ST3GAL3: variants seen among roughly 807,000 people sequenced by gnomAD.
ST3GAL3 encodes the protein CMP-N-acetylneuraminate-beta-1,4-galactoside alpha-2,3-sialyltransferase.
A neutral mutation model predicts 50.1 loss-of-function variants in ST3GAL3; 21 were observed. The observed-to-expected ratio is 0.42, with a 90% CI of 0.30 to 0.60. ST3GAL3 has a LOEUF of 0.60. ST3GAL3 is among the 20% of genes least tolerant of loss of function. The probability of loss-of-function intolerance (pLI) is 0.19; values close to 1 mark genes in which losing one functional copy is unlikely to be tolerated. For missense variants in ST3GAL3, 353 were observed against 489.4 expected, an observed-to-expected ratio of 0.72 and a Z score of 2.63; for synonymous variants, 183 against 190.0, an observed-to-expected ratio of 0.96 and a Z score of 0.30.
intron 2 of ST3GAL3, among the ~76,000 whole-genome samples, chr1:43,757,915 A>T (rs1242556596): frequency 6.6e-6 from 1 of 152,216 alleles, no homozygotes; most frequent in African/African-American, 2.4e-5. Flanking sequence ...TACTTTACTA[A>T]GTCAATAAAA....
chr1:43,783,324 C>A (rs1045582232), intron 2 of ST3GAL3, among the ~76,000 whole-genome samples: 1 of 152,164 alleles, frequency 6.6e-6, no homozygotes, highest in African/African-American at 2.4e-5. Context: ...GGCTGACTTC[C>A]CTTCCATTCC....
In ST3GAL3 at chr1:43,756,580, CAAAAT is replaced by C. The variant is rs200639683; in HGVS notation, c.118+20202_118+20206del. Among the ~76,000 whole-genome samples, 807 of 151,854 alleles carry C rather than the reference CAAAAT, an allele frequency of 5.3e-3. 16 individuals are homozygous for C. Among genetic ancestry groups the C allele is most frequent in the African/African-American group, 0.018 (750 of 41,404 alleles). On this transcript the variant is annotated intron_variant, in intron 2 of 11. Coordinates refer to ENST00000347631, the MANE Select transcript of ST3GAL3 (RefSeq NM_006279.5). ...CACACACACGCACGCACACATTAAA[CAAAAT>C]AGAACGGTTGCCTTTGCAGGAGGAG...
chr1:43,881,382 C>T (rs2075101080), intron 5 of ST3GAL3, among the ~76,000 whole-genome samples: 3 of 152,242 alleles, frequency 2.0e-5, no homozygotes, highest in Admixed American at 2.0e-4. Flanking sequence ...ATATTAGAGA[C>T]ACAGACGGTA....
At chr1:43,806,314 C>T (rs1444949072) in intron 3 of ST3GAL3, among the ~76,000 whole-genome samples, 2 of 152,114 alleles carry the variant, frequency 1.3e-5, no homozygotes, top group East Asian at 1.9e-4. Context: ...ATGTCACCTG[C>T]AGTAGCTCTC....
chr1:43,857,129 A>G (rs917935788), intron 5 of ST3GAL3, among the ~76,000 whole-genome samples: 1 of 152,120 alleles, frequency 6.6e-6, no homozygotes, highest in African/African-American at 2.4e-5. Flanking sequence ...GGACCTGAGG[A>G]GCTACATCTT....
intron 1 of ST3GAL3, among the ~76,000 whole-genome samples, chr1:43,713,154 T>TA (rs372907536): frequency 2.0e-5 from 3 of 152,334 alleles, no homozygotes; most frequent in African/African-American, 7.2e-5. Flanking sequence ...GAAGGATAGT[T>TA]ACGCTGGTGC....
chr1:43,718,185 CTTTTTTTTT>C (rs57506461), intron 1 of ST3GAL3, among the ~76,000 whole-genome samples: 1 of 83,378 alleles, frequency 1.2e-5, no homozygotes, highest in Admixed American at 1.6e-4. Context: ...ATCATTAAAT[CTTTTTTTTT>C]TTTTTTTTTT....
intron 5 of ST3GAL3, among the ~76,000 whole-genome samples, chr1:43,846,977 C>T (rs755366100): frequency 6.6e-6 from 1 of 151,978 alleles, no homozygotes; most frequent in South Asian, 2.1e-4. Flanking sequence ...GATTTAAAAG[C>T]GGGTAGAGAA....
At chr1:43,879,844 T>C (rs1390734425) in intron 5 of ST3GAL3, among the ~76,000 whole-genome samples, 1 of 152,214 alleles carries the variant, frequency 6.6e-6, no homozygotes, top group Non-Finnish European at 1.5e-5. Flanking sequence ...TTGAATCCCA[T>C]CATACTCCTG....
intron 2 of ST3GAL3, among the ~76,000 whole-genome samples, chr1:43,760,616 C>T (rs1689927959): frequency 6.6e-6 from 1 of 152,076 alleles, no homozygotes; most frequent in Non-Finnish European, 1.5e-5. Context: ...ATTAGCCGGG[C>T]GTGGTGGTAG....
At chr1:43,909,702 A>G (rs1394427237) in intron 9 of ST3GAL3, among the ~76,000 whole-genome samples, 1 of 152,262 alleles carries the variant, frequency 6.6e-6, no homozygotes, top group East Asian at 1.9e-4. Flanking sequence ...AACATATTAG[A>G]ATTTCAAGTT....
chr1:43,823,624 G>A (rs772015993), intron 4 of ST3GAL3, among the ~76,000 whole-genome samples: 9 of 151,976 alleles, frequency 5.9e-5, no homozygotes, highest in Non-Finnish European at 1.0e-4. Flanking sequence ...TATCACTCTC[G>A]GATGCCACAT....
chr1:43,708,548 T>G (rs1339671545), intron 1 of ST3GAL3, among the ~76,000 whole-genome samples: 6 of 152,236 alleles, frequency 3.9e-5, no homozygotes, highest in Non-Finnish European at 8.8e-5. Context: ...ATTAGGTTGT[T>G]TCTAAGGCAG....
At chr1:43,719,075 A>G (rs541461187) in intron 1 of ST3GAL3, 1 of 152,310 alleles carries the variant, frequency 6.6e-6, no homozygotes, top group Non-Finnish European at 1.5e-5. Flanking sequence ...AAACCATTGT[A>G]GATCATTTGA....
chr1:43,867,793 G>A (rs1311936337), intron 5 of ST3GAL3, among the ~76,000 whole-genome samples: 1 of 152,114 alleles, frequency 6.6e-6, no homozygotes, highest in Non-Finnish European at 1.5e-5. Context: ...ATTTGAGTTG[G>A]TAATTTTTTA....
intron 9 of ST3GAL3, among the ~76,000 whole-genome samples, chr1:43,908,681 C>T (rs1326748879): frequency 6.7e-6 from 1 of 150,144 alleles, no homozygotes; most frequent in Non-Finnish European, 1.5e-5. Flanking sequence ...GACAGGAGTG[C>T]AGTGGCACAA....
At chr1:43,755,912 T>C (rs1687863839) in intron 2 of ST3GAL3, among the ~76,000 whole-genome samples, 1 of 151,836 alleles carries the variant, frequency 6.6e-6, no homozygotes. Context: ...CTGGGCAACA[T>C]AGTGAGACAC....
intron 9 of ST3GAL3, 158 bp from the exon 10 acceptor site, chr1:43,920,246 C>G (rs918664494): frequency 2.6e-5 from 21 of 801,732 alleles, no homozygotes; most frequent in South Asian, 3.0e-5. Flanking sequence ...CACTCCATTT[C>G]CCCAAACACA....
intron 2 of ST3GAL3, among the ~76,000 whole-genome samples, chr1:43,752,443 T>C (rs1165584411): frequency 6.6e-6 from 1 of 152,222 alleles, no homozygotes; most frequent in Non-Finnish European, 1.5e-5. Flanking sequence ...TTCACCCACC[T>C]GTTTCATAGA....
Sources: gnomAD v4.1 joint callset for allele counts (sites outside exome capture counted in the v4.1 genomes callset) on GRCh38, gnomAD v4.1.1 for gene constraint, MANE v1.5 for transcripts, NCBI Gene and HGNC (gene_info 2026-07-23, HGNC 2026-07-21) for gene names.